The following FMN2 variants were observed in gnomAD, a reference collection of about 807,000 sequenced individuals.
FMN2 encodes the protein formin 2, also known as formin-2.
FMN2 carries 51 observed loss-of-function variants against 142.3 expected under a neutral mutation model. The observed-to-expected ratio is 0.36, with a 90% CI of 0.29 to 0.45. The LOEUF (loss-of-function observed/expected upper bound fraction) is 0.45, where lower values mean the gene tolerates loss of function less well. FMN2 is among the 20% of genes least tolerant of loss of function. The pLI is 1.00. For synonymous variants in FMN2, 882 were observed against 869.8 expected (o/e 1.01, Z -0.25); for missense variants, 1,936 against 2,122.8 (o/e 0.91, Z 1.73).
intron 2 of FMN2, chr1:240,154,882 C>T (rs1358131461): frequency 7.3e-6 from 1 of 136,542 alleles, no homozygotes; most frequent in African/African-American, 2.8e-5. Context: ...CCTCCCCTCC[C>T]TTCCCCTCCC....
intron 3 of FMN2, among the ~76,000 whole-genome samples, chr1:240,186,614 G>T (rs542633357): frequency 6.6e-6 from 1 of 152,176 alleles, no homozygotes; most frequent in Non-Finnish European, 1.5e-5. Flanking sequence ...TGCAGATTTT[G>T]GGAAGAAGAG....
intron 3 of FMN2, among the ~76,000 whole-genome samples, chr1:240,187,392 T>C (rs912806304): frequency 2.0e-5 from 3 of 151,796 alleles, no homozygotes; most frequent in East Asian, 1.9e-4. Context: ...TCAGGAGATA[T>C]AAACTCTCGT....
chr1:240,345,000 G>T (rs1284380183), intron 13 of FMN2, among the ~76,000 whole-genome samples: 1 of 152,122 alleles, frequency 6.6e-6, no homozygotes, highest in East Asian at 1.9e-4. Flanking sequence ...TGTGATACAA[G>T]TTTACCATGA....
intron 16 of FMN2, among the ~76,000 whole-genome samples, chr1:240,467,951 AT>A (rs549001801): frequency 2.6e-5 from 4 of 151,680 alleles, no homozygotes; most frequent in East Asian, 1.9e-4. Context: ...GTGTTGTTTG[AT>A]TTTTTTTCCC....
At chr1:240,468,153 A>G (rs1676681349) in intron 16 of FMN2, among the ~76,000 whole-genome samples, 1 of 151,838 alleles carries the variant, frequency 6.6e-6, no homozygotes, top group South Asian at 2.1e-4. Flanking sequence ...TTGATTCACA[A>G]ATGCCCTGGG....
At position 240,473,636 on chromosome 1, in the gene FMN2, C is replaced by A. The variant is rs529799617; in HGVS notation, c.5143-492C>A. On this transcript the variant is annotated intron_variant, in intron 17 of 17. Transcript: ENST00000319653. This position sits in a 1 kb window ranked among gnomAD's most constrained non-coding sequence, Gnocchi z 4.3. ...TTCAGTTTCTCTGTATCAAAATGAT[C>A]TTATCTAATGATAACTACTACATGA... is the stretch of plus-strand genomic sequence containing the variant. Among the ~76,000 whole-genome samples, 3 of 152,084 alleles carry A rather than the reference C, an allele frequency of 2.0e-5. No individual in the cohort carries two copies. The highest frequency in any genetic ancestry group is 7.2e-5 in the African/African-American group (3 of 41,406).
intron 15 of FMN2, among the ~76,000 whole-genome samples, chr1:240,408,888 C>T (rs892974253): frequency 3.3e-5 from 5 of 152,016 alleles, no homozygotes; most frequent in Non-Finnish European, 7.4e-5. Context: ...GGTTGACAAG[C>T]GTATTTTCAA....
Position 240,393,413 on chromosome 1 carries a change from A to G in FMN2, c.4910+851A>G, listed in dbSNP as rs78691348. On this transcript the variant is annotated intron_variant, in intron 15 of 17. Transcript: ENST00000319653. ...ATGACCTGACCCATATAAGATGGCAAACGTAATAGAAAAATATTGTATGTT... is the reference window on the plus strand; with the variant it reads ...ATGACCTGACCCATATAAGATGGCAGACGTAATAGAAAAATATTGTATGTT... Among the ~76,000 whole-genome samples, 12 of 152,282 alleles carry G rather than the reference A, an allele frequency of 7.9e-5. No homozygotes were observed. In the East Asian group the frequency reaches 2.1e-3, roughly 27 times the overall value.
At chr1:240,461,972 CA>C (rs761396973) in intron 16 of FMN2, among the ~76,000 whole-genome samples, 50 of 152,284 alleles carry the variant, frequency 3.3e-4, no homozygotes, top group South Asian at 1.2e-3. Flanking sequence ...TCCCTGTTCT[CA>C]GATTAAAACA....
intron 13 of FMN2, among the ~76,000 whole-genome samples, chr1:240,341,769 C>T (rs562683159): frequency 6.6e-6 from 1 of 152,336 alleles, no homozygotes; most frequent in Non-Finnish European, 1.5e-5. Flanking sequence ...CTTCTAGCAG[C>T]AGCATAGAGC....
At chr1:240,095,118 GA>G (rs1438645839) in intron 1 of FMN2, among the ~76,000 whole-genome samples, 1 of 151,842 alleles carries the variant, frequency 6.6e-6, no homozygotes, top group East Asian at 1.9e-4. Flanking sequence ...AAATAAAAAA[GA>G]AAGATCACTT....
chr1:240,392,652 AT>A, intron 15 of FMN2, 90 bp downstream of exon 15: 1 of 1,017,654 alleles, frequency 9.8e-7, no homozygotes. Flanking sequence ...TTCAATTTTA[AT>A]TTTCAAGCAT....
chr1:240,096,526 AT>A (rs1661205162), intron 1 of FMN2, among the ~76,000 whole-genome samples: 2 of 152,012 alleles, frequency 1.3e-5, no homozygotes, highest in African/African-American at 2.4e-5. Context: ...CTCCTCTGCT[AT>A]TTTTTTACGG....
intron 2 of FMN2, among the ~76,000 whole-genome samples, chr1:240,168,763 TG>T (rs1664584026): frequency 1.3e-5 from 2 of 152,094 alleles, no homozygotes; most frequent in Non-Finnish European, 2.9e-5. Context: ...AATACTGAAG[TG>T]GAACCAGGAA....
At chr1:240,254,793 G>C (rs1480902948) in intron 6 of FMN2, among the ~76,000 whole-genome samples, 2 of 152,168 alleles carry the variant, frequency 1.3e-5, no homozygotes, top group Non-Finnish European at 2.9e-5. Flanking sequence ...CTTGTGCTTT[G>C]GCCCTGGCTG....
chr1:240,161,430 G>C (rs112051907), intron 2 of FMN2, among the ~76,000 whole-genome samples: 4,518 of 152,060 alleles, frequency 0.03, 116 homozygotes, highest in Non-Finnish European at 0.048. Context: ...CTACTCAGGA[G>C]GCTGACACAG....
chr1:240,146,244 A>G (rs1156820538), intron 2 of FMN2, among the ~76,000 whole-genome samples: 2 of 150,958 alleles, frequency 1.3e-5, no homozygotes, highest in African/African-American at 2.4e-5. Context: ...AATACAAAAA[A>G]TTAGCCAGAC....
intron 14 of FMN2, among the ~76,000 whole-genome samples, chr1:240,386,519 C>T (rs1673411506): frequency 1.3e-5 from 2 of 152,138 alleles, no homozygotes; most frequent in Admixed American, 1.3e-4. Flanking sequence ...AAAGGGCGTC[C>T]ATTTCGTGTC....
At chr1:240,239,048 A>G (rs1176458950) in intron 6 of FMN2, among the ~76,000 whole-genome samples, 1 of 152,198 alleles carries the variant, frequency 6.6e-6, no homozygotes, top group East Asian at 1.9e-4. Flanking sequence ...GATAGTTACA[A>G]TGATGCATTT....
Sources: allele counts gnomAD v4.1 joint callset (sites outside exome capture counted in the v4.1 genomes callset), GRCh38; gene constraint gnomAD v4.1.1; non-coding constraint Gnocchi (gnomAD v3.1); transcripts MANE v1.5; gene names NCBI Gene and HGNC (gene_info 2026-07-23, HGNC 2026-07-21).